Variants in EIF2B4 observed in about 807,000 individuals in gnomAD.
EIF2B4 encodes eukaryotic translation initiation factor 2B subunit delta.
Under a neutral mutation model 66.7 loss-of-function variants are expected in EIF2B4, and 34 were observed. The observed-to-expected ratio is 0.51, with a 90% CI of 0.39 to 0.68. EIF2B4 has a LOEUF of 0.68. Ranked by LOEUF, EIF2B4 falls within the 30% of genes least tolerant of loss-of-function variation. The pLI is 0.00. For missense variants in EIF2B4, 618 were observed against 657.9 expected, an observed-to-expected ratio of 0.94 and a Z score of 0.66; for synonymous variants, 278 against 253.6, an observed-to-expected ratio of 1.10 and a Z score of -0.92.
In EIF2B4 at chr2:27,366,791, G is replaced by C; in HGVS notation, c.1159C>G (p.Leu387Val). Residue 387 changes from leucine to valine, a missense_variant, in exon 11 of 13, where the codon CTG (leucine) becomes GTG (valine). Physicochemically the swap from Leu to Val is conservative, Grantham distance 32 (BLOSUM62 1). Transcript: ENST00000347454. Reference sequence around the variant, plus strand: ...AGCACATAGGAGGCTGCAGGAATCAGCAGGTAGGAGGCTGGGACACCAGCA... The same window carrying C: ...AGCACATAGGAGGCTGCAGGAATCACCAGGTAGGAGGCTGGGACACCAGCA... The part of the protein sequence containing the change: ...VHAGVPASYL[L>V]IPAASYVLPE... The C allele has an allele frequency of 6.2e-7, 1 of 1,614,238 alleles. No homozygotes were observed. Among genetic ancestry groups the C allele is most frequent in the Non-Finnish European group, 8.5e-7 (1 of 1,180,044 alleles).
At chr2:27,366,997 C>T in intron 10 of EIF2B4, 61 bp from the exon 11 acceptor site, 1 of 1,613,940 alleles carries the variant, frequency 6.2e-7, no homozygotes, top group South Asian at 1.1e-5. Flanking sequence ...CTAACTTATT[C>T]CCAAAGGCAA....
chr2:27,368,748 T>C lies in EIF2B4; in HGVS notation c.419-15A>G, dbSNP rs371511880. ...ACGCTTCACTCCTGAAAGATAATCA[T>C]CATGTTTTCAGGACACTGTAGGTCT... On this transcript the variant is annotated splice_polypyrimidine_tract_variant and intron_variant, in intron 4 of 12. Coordinates refer to ENST00000347454, the MANE Select transcript of EIF2B4 (RefSeq NM_001034116.2). The C allele has an allele frequency of 1.2e-6, 2 of 1,613,172 alleles. No homozygotes were observed. Among genetic ancestry groups the C allele is most frequent in the South Asian group, 2.2e-5 (2 of 91,070 alleles).
At chr2:27,367,899 T>C (rs544654144) in intron 7 of EIF2B4, 77 bp from the exon 8 acceptor site, 26 of 1,526,094 alleles carry the variant, frequency 1.7e-5, no homozygotes, top group Non-Finnish European at 2.4e-5. Context: ...TAAGCTTCAC[T>C]GAGGAAAATG....
At chr2:27,366,213 GGGGTGTGTGT>G (rs1278162861) in intron 11 of EIF2B4, 1 of 119,666 alleles carries the variant, frequency 8.4e-6, no homozygotes, top group African/African-American at 3.7e-5. Flanking sequence ...GGGGTGGGGT[GGGGTGTGTGT>G]GTGTGTGTGT....
chr2:27,369,380 C>G (rs769020793), intron 3 of EIF2B4, 34 bp downstream of exon 3: 4 of 1,613,686 alleles, frequency 2.5e-6, no homozygotes, highest in Non-Finnish European at 2.5e-6. Context: ...ACCAGCTCCA[C>G]ACCCCAGCCC....
intron 11 of EIF2B4, 136 bp downstream of exon 11, chr2:27,366,623 G>T: frequency 9.7e-7 from 1 of 1,027,776 alleles, no homozygotes; most frequent in Non-Finnish European, 1.5e-6. Flanking sequence ...AGACTGCAGT[G>T]AGCTGTGATC....
chr2:27,368,529 G>T (rs1220276814), intron 5 of EIF2B4, 66 bp from the exon 6 acceptor site: 4 of 1,562,986 alleles, frequency 2.6e-6, no homozygotes. Context: ...AAGCTGGAAA[G>T]GAAGTGAACA....
chr2:27,367,818 A>G lies in EIF2B4; in HGVS notation c.710T>C (p.Ile237Thr). The G allele has an allele frequency of 6.2e-7, 1 of 1,613,910 alleles. No individual in the cohort carries two copies. Reference protein sequence around the residue: ...IALLRALQQVIQDYTTPPNEE... With the variant: ...IALLRALQQVTQDYTTPPNEE... ...ATTAGGCGGTGTTGTGTAATCCTGAATCACCTATAGGGTACACAAGGTGAT... is the reference window on the plus strand; with the variant it reads ...ATTAGGCGGTGTTGTGTAATCCTGAGTCACCTATAGGGTACACAAGGTGAT... The change falls in exon 8 of 13, where the codon ATT becomes ACT. Residue 237 changes from isoleucine to threonine, a missense_variant. Coordinates refer to ENST00000347454, the MANE Select transcript of EIF2B4 (RefSeq NM_001034116.2).
rs527406885 is a variant in EIF2B4 at position 27,365,169 on chromosome 2, G to A, written c.1192-271C>T. ...CCTCCTGGGTTCAAGTGATTCTCCT[G>A]CCTCAGCCTCCCGAGTAGCTGGGAT... On this transcript the variant is annotated intron_variant, in intron 11 of 12. Coordinates refer to ENST00000347454, the MANE Select transcript of EIF2B4 (RefSeq NM_001034116.2). The A allele has an allele frequency of 1.1e-4, 44 of 395,372 alleles. No individual in the cohort carries two copies. The East Asian group carries it at 1.3e-3, about 11-fold the overall frequency. 24.5% of individuals were successfully genotyped at this position (395,372 alleles called of 1,614,324 possible).
At chr2:27,366,412 G>A in intron 11 of EIF2B4, 1 of 343,808 alleles carries the variant, frequency 2.9e-6, no homozygotes, top group Admixed American at 4.0e-5. Context: ...GCTGGGCACA[G>A]TGGCTCATGC....
At chr2:27,364,665 C>T in intron 12 of EIF2B4, 53 bp downstream of exon 12, 3 of 1,614,086 alleles carry the variant, frequency 1.9e-6, no homozygotes, top group South Asian at 1.1e-5. Flanking sequence ...CGCCCCTCTC[C>T]CTCCCTCTCA....
Position 27,367,186 on chromosome 2 carries a change from G to T in EIF2B4, c.901C>A (p.Arg301=). 2 of 1,614,162 alleles carry T rather than the reference G, an allele frequency of 1.2e-6. No individual in the cohort carries two copies. The highest frequency in any genetic ancestry group is 2.2e-5 in the South Asian group (2 of 91,070). ...KREEEAKSEL[R]AAIDRYVQEK... is the part of the protein sequence containing the mutation. ...TGCACATACCGATCAATGGCTGCTC[G>T]AAGTTCTGACTTGGCCTAAATGGAG... The change falls in exon 10 of 13, where the codon CGA becomes AGA. Residue 301 remains arginine, a synonymous_variant. Transcript: ENST00000347454.
intron 1 of EIF2B4, 163 bp downstream of exon 1, chr2:27,370,121 C>T: frequency 6.6e-7 from 1 of 1,520,902 alleles, no homozygotes; most frequent in Non-Finnish European, 8.9e-7. Context: ...TCACAGCAAC[C>T]AGCCGGTGCG....
In EIF2B4 at chr2:27,364,369, T is replaced by C. The variant is rs371845186; in HGVS notation, c.*31A>G. 5.0e-6 allele frequency: 8 copies of C among 1,607,216 alleles called. No homozygotes were observed. The highest frequency in any genetic ancestry group is 1.7e-5 in the Admixed American group (1 of 59,598). Reference sequence around the variant, plus strand: ...CAGCAGAGTTGCTGAGGGTAGGGAGTATGGCATTTATTAACCCTGTGTTTC... The same window carrying C: ...CAGCAGAGTTGCTGAGGGTAGGGAGCATGGCATTTATTAACCCTGTGTTTC... On this transcript the variant is annotated 3_prime_UTR_variant, in exon 13 of 13. Coordinates refer to ENST00000347454, the MANE Select transcript of EIF2B4 (RefSeq NM_001034116.2).
In EIF2B4 at chr2:27,364,761, G is replaced by C; in HGVS notation, c.1329C>G (p.Phe443Leu). Reference protein sequence around the residue: ...PVLVCCETYKFCERVQTDAFV... With the variant: ...PVLVCCETYKLCERVQTDAFV... ...AGGCATCAGTCTGCACACGCTCACA[G>C]AACTTGTATGTTTCACAGCAAACCA... The change falls in exon 12 of 13, where the codon TTC (phenylalanine) becomes TTG (leucine). Residue 443 changes from phenylalanine to leucine, a missense_variant. Transcript: ENST00000347454. 1.2e-6 allele frequency: 2 copies of C among 1,614,190 alleles called. No homozygotes were observed. The highest frequency in any genetic ancestry group is 1.7e-6 in the Non-Finnish European group (2 of 1,180,054).
In EIF2B4 at chr2:27,369,923, C is replaced by T. The variant is rs1435828017; in HGVS notation, c.32-4G>A. 4 of 1,581,348 alleles carry T rather than the reference C, an allele frequency of 2.5e-6. No individual in the cohort carries two copies. The highest frequency in any genetic ancestry group is 1.3e-5 in the African/African-American group (1 of 74,102). On this transcript the variant is annotated splice_region_variant and splice_polypyrimidine_tract_variant and intron_variant, in intron 1 of 12. Transcript: ENST00000347454. ...GCCTTCATCCCGGATCCCGAGTCTG[C>T]ATCAGAAAACAGGGCACAAAGTGAG...
chr2:27,369,749 C>A, intron 2 of EIF2B4, 127 bp downstream of exon 2: 1 of 1,444,652 alleles, frequency 6.9e-7, no homozygotes, highest in Admixed American at 2.2e-5. Flanking sequence ...GGTTGCAAGA[C>A]CTCTGTAAAA....
chr2:27,367,383 T>G, intron 9 of EIF2B4, 74 bp downstream of exon 9: 1 of 1,601,770 alleles, frequency 6.2e-7, no homozygotes. Flanking sequence ...TACGTTGGCC[T>G]TCCCGGGAGT....
intron 11 of EIF2B4, 170 bp downstream of exon 11, chr2:27,366,589 A>C: frequency 1.3e-6 from 1 of 747,000 alleles, no homozygotes; most frequent in Non-Finnish European, 2.3e-6. Context: ...GGAGGTGGGA[A>C]GATCACCTGA....
Sources: gnomAD v4.1 joint callset for allele counts on GRCh38, gnomAD v4.1.1 for gene constraint, MANE v1.5 for transcripts, NCBI Gene and HGNC (gene_info 2026-07-23, HGNC 2026-07-21) for gene names.